The following CAMK4 variants were observed in gnomAD, a reference collection of about 807,000 sequenced individuals.
The protein encoded by CAMK4 is calcium/calmodulin dependent protein kinase IV.
In CAMK4, 22 loss-of-function variants were observed where a neutral mutation model predicts 44.9. The observed-to-expected ratio is 0.49, with a 90% CI of 0.35 to 0.70. The LOEUF (loss-of-function observed/expected upper bound fraction) is 0.70, where lower values mean the gene tolerates loss of function less well. CAMK4 is among the 30% of genes least tolerant of loss of function. The pLI is 0.01. For missense variants in CAMK4, 498 were observed against 586.8 expected (o/e 0.85, Z 1.56); for synonymous variants, 218 against 215.4 (o/e 1.01, Z -0.11).
intron 1 of CAMK4, among the ~76,000 whole-genome samples, chr5:111,273,314 TAC>T (rs537993783): frequency 1.3e-5 from 2 of 152,098 alleles, no homozygotes; most frequent in Admixed American, 6.6e-5. Context: ...TATAAGCACA[TAC>T]ACACACATTC....
intron 1 of CAMK4, among the ~76,000 whole-genome samples, chr5:111,340,352 A>G (rs1044973445): frequency 1.3e-5 from 2 of 151,144 alleles, no homozygotes; most frequent in African/African-American, 2.4e-5. Flanking sequence ...TTAGCTGTGG[A>G]ATTGTCATAT....
At chr5:111,483,037 A>G (rs1469747359) in intron 10 of CAMK4, 100 bp downstream of exon 10, 2 of 995,328 alleles carry the variant, frequency 2.0e-6, no homozygotes, top group East Asian at 6.1e-5. Flanking sequence ...ATCTAATACT[A>G]TTATCTATTT....
Position 111,485,464 on chromosome 5 carries a change from C to T in CAMK4, c.*998C>T, listed in dbSNP as rs1181616565. On this transcript the variant is annotated 3_prime_UTR_variant, in exon 11 of 11. Coordinates refer to ENST00000282356, the MANE Select transcript of CAMK4 (RefSeq NM_001744.6). Reference sequence around the variant, plus strand: ...GTCTTCATAGAGTAGGAATAATATTCCATTTTAAGATTATTCATTATTGAC... The same window carrying T: ...GTCTTCATAGAGTAGGAATAATATTTCATTTTAAGATTATTCATTATTGAC... The T allele has an allele frequency of 6.6e-6, 1 of 152,054 alleles. No individual in the cohort carries two copies. The highest frequency in any genetic ancestry group is 1.5e-5 in the Non-Finnish European group (1 of 67,980). The allele number at this position is 152,054 out of a possible 1,614,324, so 9.4% of individuals were successfully genotyped here.
At chr5:111,288,378 A>C (rs539622702) in intron 1 of CAMK4, among the ~76,000 whole-genome samples, 1 of 152,324 alleles carries the variant, frequency 6.6e-6, no homozygotes, top group South Asian at 2.1e-4. Flanking sequence ...TCATTAGATA[A>C]AATGTATCTT....
intron 1 of CAMK4, among the ~76,000 whole-genome samples, chr5:111,293,388 T>C (rs938863515): frequency 1.3e-5 from 2 of 152,172 alleles, no homozygotes; most frequent in African/African-American, 4.8e-5. Flanking sequence ...GAAAACACTA[T>C]GCTTATTGAA....
chr5:111,293,117 C>T (rs1389735348), intron 1 of CAMK4, among the ~76,000 whole-genome samples: 1 of 152,124 alleles, frequency 6.6e-6, no homozygotes, highest in East Asian at 1.9e-4. Flanking sequence ...GTAATACAAC[C>T]AGTGATTTCT....
chr5:111,471,217 C>T (rs1278353075), intron 7 of CAMK4, among the ~76,000 whole-genome samples: 1 of 145,518 alleles, frequency 6.9e-6, no homozygotes, highest in Non-Finnish European at 1.5e-5. Context: ...CGAGTGAAAA[C>T]TTTGCTCAAC....
In CAMK4 at chr5:111,397,634, C is replaced by A. The variant is rs1368073211; in HGVS notation, c.459+2852C>A. Among the ~76,000 whole-genome samples, 5 of 147,596 alleles carry A rather than the reference C, an allele frequency of 3.4e-5. No individual in the cohort carries two copies. The East Asian group carries it at 1.0e-3, about 29-fold the overall frequency. On this transcript the variant is annotated intron_variant, in intron 5 of 10. Transcript: ENST00000282356. ...TTTGTATGGTTATAACAGGTAATATCCTCAAGTCAGCATGCTGTGTGTGTG... is the reference window on the plus strand; with the variant it reads ...TTTGTATGGTTATAACAGGTAATATACTCAAGTCAGCATGCTGTGTGTGTG...
At chr5:111,283,351 TA>T (rs1751101404) in intron 1 of CAMK4, among the ~76,000 whole-genome samples, 1 of 152,214 alleles carries the variant, frequency 6.6e-6, no homozygotes, top group Admixed American at 6.6e-5. Context: ...AAAAATTAAT[TA>T]AGATATTCTA....
intron 1 of CAMK4, among the ~76,000 whole-genome samples, chr5:111,287,254 A>G (rs1751274677): frequency 6.6e-6 from 1 of 152,232 alleles, no homozygotes; most frequent in African/African-American, 2.4e-5. Context: ...AAGAGTGTAC[A>G]GCTCATGCTA....
intron 2 of CAMK4, among the ~76,000 whole-genome samples, chr5:111,370,532 C>A (rs1339627144): frequency 1.3e-5 from 2 of 152,036 alleles, no homozygotes; most frequent in African/African-American, 2.4e-5. Context: ...AAAATAAATT[C>A]TAGTATAACA....
At chr5:111,328,173 G>A (rs1347406927) in intron 1 of CAMK4, among the ~76,000 whole-genome samples, 42 of 148,742 alleles carry the variant, frequency 2.8e-4, no homozygotes, top group Non-Finnish European at 5.2e-4. Context: ...AATCCATCTT[G>A]AATTAATTTT....
At position 111,420,404 on chromosome 5, in the gene CAMK4, C is replaced by G. The variant is rs191628772; in HGVS notation, c.459+25622C>G. 2.0e-5 allele frequency among the ~76,000 whole-genome samples: 3 copies of G among 152,040 alleles called. No homozygotes were observed. In the South Asian group the frequency reaches 6.2e-4, roughly 32 times the overall value. On this transcript the variant is annotated intron_variant, in intron 5 of 10. Transcript: ENST00000282356. ...CTGCAAACAGGGACAATTTGACTTC[C>G]TCTTTTCCTAATTGAATACCCTTTA...
rs148315781 is a variant in CAMK4 at position 111,308,738 on chromosome 5, G to A, written c.162-35286G>A. On this transcript the variant is annotated intron_variant, in intron 1 of 10. Transcript: ENST00000282356. ...TTATGGAAAACAATAGCTTATTACC[G>A]GAGCTTTAGCCCTAAATACTGAATT... 3.5e-3 allele frequency among the ~76,000 whole-genome samples: 539 copies of A among 152,162 alleles called. 5 individuals carry two copies. Among genetic ancestry groups the A allele is most frequent in the African/African-American group, 0.012 (513 of 41,518 alleles).
rs1363090499 is a variant in CAMK4 at position 111,458,673 on chromosome 5, A to G, written c.625+9470A>G. Among the ~76,000 whole-genome samples the G allele has an allele frequency of 2.0e-5, 3 of 152,196 alleles. No homozygotes were observed. The East Asian group carries it at 5.8e-4, about 29-fold the overall frequency. ...AAGTTGGAAAAGGAGCCTGGGTTAC[A>G]GTTTAAACAAGGTAATTAAGGAAGG... On this transcript the variant is annotated intron_variant, in intron 7 of 10. Transcript: ENST00000282356.
rs749126145 is a variant in CAMK4 at position 111,344,116 on chromosome 5, T to C, written c.240+14T>C. 1 of 1,498,624 alleles carries C rather than the reference T, an allele frequency of 6.7e-7. No homozygotes were observed. Among genetic ancestry groups the C allele is most frequent in the Non-Finnish European group, 9.3e-7 (1 of 1,077,210 alleles). The allele number at this position is 1,498,624 out of a possible 1,614,324, so 92.8% of individuals were successfully genotyped here. ...TTAAAGAAAACAGTAAGTTTATTTCTTATATAATGGCATCTCTAAGGGGCC... is the reference window on the plus strand; with the variant it reads ...TTAAAGAAAACAGTAAGTTTATTTCCTATATAATGGCATCTCTAAGGGGCC... On this transcript the variant is annotated intron_variant, in intron 2 of 10. Transcript: ENST00000282356.
chr5:111,468,530 C>T (rs1580793994), intron 7 of CAMK4, among the ~76,000 whole-genome samples: 1 of 152,140 alleles, frequency 6.6e-6, no homozygotes, highest in South Asian at 2.1e-4. Flanking sequence ...TTAGAATTAC[C>T]TGCAAGGACA....
At chr5:111,255,751 T>C (rs1749712985) in intron 1 of CAMK4, among the ~76,000 whole-genome samples, 1 of 152,220 alleles carries the variant, frequency 6.6e-6, no homozygotes, top group African/African-American at 2.4e-5. Flanking sequence ...ATGGATTCAT[T>C]GTATCATCAT....
At chr5:111,373,304 C>A (rs140394073) in intron 2 of CAMK4, among the ~76,000 whole-genome samples, 142 of 152,102 alleles carry the variant, frequency 9.3e-4, no homozygotes, top group African/African-American at 3.2e-3. Context: ...TCCTTAAGAT[C>A]TCCTTGTAAA....
Sources: gnomAD v4.1 joint callset for allele counts (sites outside exome capture counted in the v4.1 genomes callset) on GRCh38, gnomAD v4.1.1 for gene constraint, MANE v1.5 for transcripts, NCBI Gene and HGNC (gene_info 2026-07-23, HGNC 2026-07-21) for gene names.